Variants in STK3 observed in about 807,000 individuals in gnomAD.
STK3 encodes serine/threonine-protein kinase 3.
Under a neutral mutation model 58.0 loss-of-function variants are expected in STK3, and 41 were observed. The observed-to-expected ratio is 0.71, with a 90% CI of 0.55 to 0.92. The LOEUF (loss-of-function observed/expected upper bound fraction) is 0.92. Among genes scored for constraint, STK3 ranks in the 40% least tolerant of loss-of-function variants. The probability of loss-of-function intolerance (pLI) is 0.00; values close to 1 mark genes in which losing one functional copy is unlikely to be tolerated. For missense variants in STK3, 479 were observed against 602.7 expected (o/e 0.79, Z 2.15); for synonymous variants, 170 against 191.0 (o/e 0.89, Z 0.91).
intron 1 of STK3, among the ~76,000 whole-genome samples, chr8:98,886,593 AACTT>A (rs1419835543): frequency 1.3e-5 from 2 of 152,248 alleles, no homozygotes; most frequent in Non-Finnish European, 2.9e-5. Flanking sequence ...AATACACATT[AACTT>A]TTTCTTTAGA....
At chr8:98,893,536 G>GAA (rs377130769) in intron 1 of STK3, among the ~76,000 whole-genome samples, 1 of 121,182 alleles carries the variant, frequency 8.3e-6, no homozygotes, top group Non-Finnish European at 1.8e-5. Context: ...AAGAAAGAAA[G>GAA]AAAAAGAAAG....
chr8:98,427,660 G>A (rs1332155868), intron 3 of STK3: 2 of 229,928 alleles, frequency 8.7e-6, no homozygotes, highest in East Asian at 8.9e-5. Flanking sequence ...CATGGACAAG[G>A]TCAGCATGCA....
chr8:98,643,661 T>C (rs1276383129), intron 6 of STK3, among the ~76,000 whole-genome samples: 2 of 152,222 alleles, frequency 1.3e-5, no homozygotes, highest in Non-Finnish European at 2.9e-5. Flanking sequence ...CTCAAGGCTA[T>C]ATATCCTGCC....
At chr8:98,547,403 T>C (rs1810790323) in intron 9 of STK3, among the ~76,000 whole-genome samples, 1 of 152,184 alleles carries the variant, frequency 6.6e-6, no homozygotes, top group Non-Finnish European at 1.5e-5. Context: ...AGAGAGAATG[T>C]TTGATCATCA....
intron 1 of STK3, among the ~76,000 whole-genome samples, chr8:98,777,937 C>T (rs1306127338): frequency 2.6e-5 from 4 of 152,176 alleles, no homozygotes; most frequent in African/African-American, 4.8e-5. Flanking sequence ...TAGAAGAAAA[C>T]CTAGGCAATA....
At chr8:98,681,924 G>T (rs1460365514) in intron 6 of STK3, among the ~76,000 whole-genome samples, 1 of 152,228 alleles carries the variant, frequency 6.6e-6, no homozygotes. Flanking sequence ...TGGCCTACTA[G>T]CAGTGTATTA....
intron 6 of STK3, among the ~76,000 whole-genome samples, chr8:98,696,491 G>A (rs1326228947): frequency 6.6e-6 from 1 of 151,808 alleles, no homozygotes; most frequent in East Asian, 1.9e-4. Context: ...TTGGCTGTGG[G>A]TTTGTCATAG....
At chr8:98,685,492 A>C (rs1823919511) in intron 6 of STK3, among the ~76,000 whole-genome samples, 1 of 152,150 alleles carries the variant, frequency 6.6e-6, no homozygotes. Context: ...TAACTCTGAC[A>C]AGACAAAAAT....
At chr8:98,874,816 G>C (rs1255034986) in intron 3 of STK3, among the ~76,000 whole-genome samples, 1 of 151,062 alleles carries the variant, frequency 6.6e-6, no homozygotes, top group East Asian at 1.9e-4. Context: ...TAAAGATGGG[G>C]TCTCACTATG....
intron 6 of STK3, among the ~76,000 whole-genome samples, chr8:98,639,167 T>C (rs1319561296): frequency 6.6e-6 from 1 of 151,302 alleles, no homozygotes; most frequent in Non-Finnish European, 1.5e-5. Flanking sequence ...TGGAACACAG[T>C]GGCATGATCA....
chr8:98,425,512 T>C (rs766023383), intron 3 of STK3, among the ~76,000 whole-genome samples: 1 of 152,214 alleles, frequency 6.6e-6, no homozygotes, highest in East Asian at 1.9e-4. Flanking sequence ...ACTACCCTAC[T>C]ATCCCTCTCC....
At chr8:98,375,557 C>T (rs891151709) in intron 2 of STK3, among the ~76,000 whole-genome samples, 4 of 152,176 alleles carry the variant, frequency 2.6e-5, no homozygotes, top group African/African-American at 9.6e-5. Flanking sequence ...CCTTTATAGT[C>T]ACTGCTTCCC....
chr8:98,360,520 T>C, the STK3 span, among the ~76,000 whole-genome samples: 2,999 of 152,134 alleles, frequency 0.02, 116 homozygotes, highest in African/African-American at 0.066. Flanking sequence ...TCTTTCTTTT[T>C]TTTTTTTTCA....
intron 6 of STK3, among the ~76,000 whole-genome samples, chr8:98,614,810 A>G (rs898469786): frequency 3.3e-5 from 5 of 152,106 alleles, no homozygotes; most frequent in Non-Finnish European, 5.9e-5. Context: ...AGGGTCCTAC[A>G]CCCACAGAAT....
At chr8:98,904,570 A>C in intron 1 of STK3, 2 of 546,544 alleles carry the variant, frequency 3.7e-6, no homozygotes, top group Non-Finnish European at 7.2e-6. Context: ...CCGAGGGTTC[A>C]GTCAGCAATT....
intron 6 of STK3, among the ~76,000 whole-genome samples, chr8:98,702,426 C>A (rs989200117): frequency 2.0e-5 from 3 of 152,162 alleles, no homozygotes; most frequent in African/African-American, 7.2e-5. Context: ...GACTATGACA[C>A]CCTAAATATA....
In STK3 at chr8:98,694,637, C is replaced by G. The variant is rs200463065; in HGVS notation, c.684+11830G>C. 6.6e-5 allele frequency among the ~76,000 whole-genome samples: 10 copies of G among 152,204 alleles called. No homozygotes were observed. The East Asian group carries it at 7.7e-4, about 12-fold the overall frequency. On this transcript the variant is annotated intron_variant, in intron 6 of 10. Coordinates refer to ENST00000419617, the MANE Select transcript of STK3 (RefSeq NM_006281.4). The stretch of plus-strand genomic sequence containing the variant: ...GTTCTTGCGATAGTTTACTGAGAAT[C>G]ATGATTTCCAACTTCATCCATGTCC...
rs1249157897 is a variant in STK3 at position 98,428,564 on chromosome 8, G to T, written n.483+5563C>A. The T allele has an allele frequency of 6.2e-7, 1 of 1,614,154 alleles. No homozygotes were observed. Among genetic ancestry groups the T allele is most frequent in the Non-Finnish European group, 8.5e-7 (1 of 1,180,042 alleles). ...GGGTCTTCAGCATCCTGTCCATCCT[G>T]GTGGTGATGGGGTCCATCATCACCA... On this transcript the variant is annotated intron_variant and non_coding_transcript_variant, in intron 3 of 3. Transcript: ENST00000517832. The surrounding 1 kb of genome is among the most constrained non-coding windows in gnomAD (Gnocchi z 6.7).
intron 3 of STK3, among the ~76,000 whole-genome samples, chr8:98,859,620 C>T (rs952067734): frequency 1.3e-5 from 2 of 152,184 alleles, no homozygotes; most frequent in Non-Finnish European, 2.9e-5. Context: ...AACAACATAG[C>T]TCTTATGACT....
Sources: gnomAD v4.1 joint callset for allele counts (sites outside exome capture counted in the v4.1 genomes callset) on GRCh38, gnomAD v4.1.1 for gene constraint, Gnocchi (gnomAD v3.1) non-coding constraint, MANE v1.5 for transcripts, NCBI Gene and HGNC (gene_info 2026-07-23, HGNC 2026-07-21) for gene names.